Variants in SRRD observed in about 807,000 individuals in gnomAD.
SRRD encodes SRR1 domain containing.
Under a neutral mutation model 30.7 loss-of-function variants are expected in SRRD, and 28 were observed. The observed-to-expected ratio is 0.91, with a 90% CI of 0.68 to 1.25. The LOEUF is 1.25. Ranked by LOEUF, SRRD falls within the 50% of genes most tolerant of loss-of-function variation. SRRD has a pLI of 0.00. For synonymous variants in SRRD, 161 were observed against 159.6 expected (o/e 1.01, Z -0.07); for missense variants, 415 against 417.3 (o/e 0.99, Z 0.05).
intron 2 of SRRD, 99 bp downstream of exon 2, chr22:26,486,162 T>C (rs1188600195): frequency 2.8e-6 from 4 of 1,445,756 alleles, no homozygotes; most frequent in Non-Finnish European, 3.9e-6. Context: ...ACTTGCTGGG[T>C]TCTAACGCCG....
Position 26,494,375 on chromosome 22 carries a change from T to G in SRRD, c.*2703T>G. ...AGGCAAGATTTCTGAAGTGGCCATT[T>G]GTTTTGTTTTGATCCTGGTCCTACA... On this transcript the variant is annotated 3_prime_UTR_variant, in exon 7 of 7. Coordinates refer to ENST00000215917, the MANE Select transcript of SRRD (RefSeq NM_001013694.3). The G allele has an allele frequency of 1.3e-6, 2 of 1,581,418 alleles. No homozygotes were observed. Among genetic ancestry groups the G allele is most frequent in the Non-Finnish European group, 1.7e-6 (2 of 1,152,006 alleles).
rs747931352 is a variant in SRRD at position 26,487,835 on chromosome 22, T to C, written c.251-194T>C. On this transcript the variant is annotated intron_variant, in intron 2 of 6. Transcript: ENST00000215917. The stretch of plus-strand genomic sequence containing the variant: ...TCCAGGGGCCGGGACAGTTTGTCAA[T>C]TGGTGGTGAATGTGACTGTATGTCC... 1.2e-5 allele frequency: 7 copies of C among 589,728 alleles called. No homozygotes were observed. The Admixed American group carries it at 1.4e-4, about 12-fold the overall frequency. 36.5% of individuals were successfully genotyped at this position (589,728 alleles called of 1,614,324 possible).
Position 26,491,059 on chromosome 22 carries a change from T to C in SRRD, c.799T>C (p.Tyr267His), listed in dbSNP as rs1921107981. The change falls in exon 6 of 7, where the codon TAC becomes CAC. Residue 267 changes from tyrosine to histidine, a missense_variant. Tyr to His is a moderately conservative substitution (Grantham distance 83, BLOSUM62 2). Coordinates refer to ENST00000215917, the MANE Select transcript of SRRD (RefSeq NM_001013694.3). ...AAGGATTCTGCAGAAAAATTATCCCTACATTGCAAAGGTATCTATCTGAAT... is the reference window on the plus strand; with the variant it reads ...AAGGATTCTGCAGAAAAATTATCCCCACATTGCAAAGGTATCTATCTGAAT... Reference protein sequence around the residue: ...LARILQKNYPYIAKILKGLEE... With the variant: ...LARILQKNYPHIAKILKGLEE... The C allele has an allele frequency of 1.9e-6, 3 of 1,612,596 alleles. No individual in the cohort carries two copies. The highest frequency in any genetic ancestry group is 2.5e-6 in the Non-Finnish European group (3 of 1,179,552).
intron 4 of SRRD, among the ~76,000 whole-genome samples, chr22:26,489,676 G>A (rs1472896903): frequency 6.6e-6 from 1 of 152,138 alleles, no homozygotes; most frequent in African/African-American, 2.4e-5. Context: ...TCTGCAGGAA[G>A]TGACATAGGA....
chr22:26,490,968 C>T (rs1044244425), intron 5 of SRRD, 57 bp from the exon 6 acceptor site: 2 of 1,483,004 alleles, frequency 1.3e-6, no homozygotes, highest in Admixed American at 1.8e-5. Flanking sequence ...AAACTATCCT[C>T]ATACCTCCTA....
rs1468388814 is a variant in SRRD at position 26,483,882 on chromosome 22, CA to C, written c.-8del. 2 of 1,350,112 alleles carry C rather than the reference CA, an allele frequency of 1.5e-6. No homozygotes were observed. Among genetic ancestry groups the C allele is most frequent in the South Asian group, 1.9e-5 (1 of 53,684 alleles). 83.6% of individuals were successfully genotyped at this position (1,350,112 alleles called of 1,614,324 possible). ...CGAGTGCGCCGCACGCCGCTGACGT[CA>C]GAGACCAATGGCTGCGGCCGCAGCT... is the stretch of plus-strand genomic sequence containing the variant. On this transcript the variant is annotated 5_prime_UTR_variant, in exon 1 of 7. Transcript: ENST00000215917.
At chr22:26,491,291 A>G (rs1053907052) in intron 6 of SRRD, 172 bp from the exon 7 acceptor site, 15 of 721,772 alleles carry the variant, frequency 2.1e-5, no homozygotes, top group Non-Finnish European at 3.0e-5. Context: ...CATGATATCC[A>G]CTGTCCTTGG....
Position 26,494,623 on chromosome 22 carries a change from C to G in SRRD, c.*2951C>G. ...AAAGTGCTTGGAACAGCTTCTGATA[C>G]ATGGCAAATGTCCAATAAATGGTGC... On this transcript the variant is annotated 3_prime_UTR_variant, in exon 7 of 7. Transcript: ENST00000215917. 3 of 946,148 alleles carry G rather than the reference C, an allele frequency of 3.2e-6. No individual in the cohort carries two copies. In the South Asian group the frequency reaches 5.2e-5, roughly 16 times the overall value. 58.6% of individuals were successfully genotyped at this position (946,148 alleles called of 1,614,324 possible). A position where few individuals can be genotyped will look rare whatever the true frequency, so the allele number is the denominator to read the frequency against.
intron 2 of SRRD, among the ~76,000 whole-genome samples, chr22:26,486,936 T>C (rs9608492): frequency 0.04 from 5,991 of 148,060 alleles, 119 homozygotes; most frequent in Non-Finnish European, 0.061. Context: ...TTTTTTTTTC[T>C]TTTGAGACGG....
At chr22:26,486,423 A>G (rs2091709296) in intron 2 of SRRD, among the ~76,000 whole-genome samples, 1 of 152,168 alleles carries the variant, frequency 6.6e-6, no homozygotes, top group South Asian at 2.1e-4. Flanking sequence ...TCCTAAACAT[A>G]GTGTGTGGGT....
chr22:26,485,892 A>T (rs2091705225), intron 1 of SRRD, 131 bp from the exon 2 acceptor site: 2 of 998,036 alleles, frequency 2.0e-6, no homozygotes, highest in South Asian at 2.9e-5. Flanking sequence ...CCCTCCTATC[A>T]CTTGGTAAGG....
In SRRD at chr22:26,491,486, T is replaced by G. The variant is rs200246318; in HGVS notation, c.834T>G (p.Leu278=). The G allele has an allele frequency of 6.8e-6, 11 of 1,613,478 alleles. No individual in the cohort carries two copies. In the African/African-American group the frequency reaches 1.5e-4, roughly 22 times the overall value. ...IAKILKGLEE[L]EFPQTSQYMD... is the part of the protein sequence containing the mutation. Reference sequence around the variant, plus strand: ...AGATTTTAAAAGGACTGGAGGAGCTTGAGTTTCCTCAGACTTCACAATACA... The same window carrying G: ...AGATTTTAAAAGGACTGGAGGAGCTGGAGTTTCCTCAGACTTCACAATACA... The change falls in exon 7 of 7, where the codon CTT becomes CTG. Residue 278 remains leucine, a synonymous_variant. Coordinates refer to ENST00000215917, the MANE Select transcript of SRRD (RefSeq NM_001013694.3).
rs2147114373 is a variant in SRRD at position 26,491,995 on chromosome 22, T to C, written c.*323T>C. On this transcript the variant is annotated 3_prime_UTR_variant, in exon 7 of 7. Transcript: ENST00000215917. ...CTCTTAGGGGCAAGTCTCTGACTGG[T>C]TCTGGACCTGCCACAGTTCACTTGG... 1.9e-6 allele frequency: 3 copies of C among 1,571,888 alleles called. No individual in the cohort carries two copies. Among genetic ancestry groups the C allele is most frequent in the South Asian group, 1.2e-5 (1 of 86,040 alleles).
chr22:26,491,131 C>G (rs1921119587), intron 6 of SRRD, 61 bp downstream of exon 6: 3 of 1,540,282 alleles, frequency 1.9e-6, no homozygotes, highest in Non-Finnish European at 2.7e-6. Context: ...AGAATTCTAT[C>G]TTTCTTTACA....
Position 26,494,486 on chromosome 22 carries a change from T to C in SRRD, c.*2814T>C, listed in dbSNP as rs901380590. ...TGGATTTTGGAGTCAGCCTGGTAGC[T>C]AAAGTGCCCTTGCATGTAAACTCTC... On this transcript the variant is annotated 3_prime_UTR_variant, in exon 7 of 7. Transcript: ENST00000215917. 1 of 775,608 alleles carries C rather than the reference T, an allele frequency of 1.3e-6. No homozygotes were observed. The highest frequency in any genetic ancestry group is 2.1e-6 in the Non-Finnish European group (1 of 485,920). The allele number at this position is 775,608 out of a possible 1,614,324, so 48.0% of individuals were successfully genotyped here.
Position 26,490,029 on chromosome 22 carries a change from A to G in SRRD, c.610-15A>G. ...GTTGTGGGCATGTTTACACCTGTGA[A>G]TATCGTATCCCCAGGAAGGGAAACG... On this transcript the variant is annotated splice_polypyrimidine_tract_variant and intron_variant, in intron 4 of 6. Coordinates refer to ENST00000215917, the MANE Select transcript of SRRD (RefSeq NM_001013694.3). 10 of 1,613,836 alleles carry G rather than the reference A, an allele frequency of 6.2e-6. No homozygotes were observed. The highest frequency in any genetic ancestry group is 8.5e-6 in the Non-Finnish European group (10 of 1,179,818).
chr22:26,489,707 G>A (rs901478089), intron 4 of SRRD, among the ~76,000 whole-genome samples: 2 of 152,116 alleles, frequency 1.3e-5, no homozygotes, highest in African/African-American at 4.8e-5. Context: ...ACTGAACACA[G>A]GGGAAATACA....
intron 2 of SRRD, among the ~76,000 whole-genome samples, chr22:26,486,327 CATT>C (rs1356865748): frequency 2.0e-5 from 3 of 152,102 alleles, no homozygotes; most frequent in Admixed American, 6.5e-5. Flanking sequence ...TAAATGTTGT[CATT>C]ATTATTGCTG....
chr22:26,491,636 C>G lies in SRRD; in HGVS notation c.984C>G (p.Ile328Met), dbSNP rs765290140. The change falls in exon 7 of 7, where the codon ATC becomes ATG. Residue 328 changes from isoleucine (I) to methionine (M), a missense_variant. Transcript: ENST00000215917. Reference protein sequence around the residue: ...DYQDCEDLEIIRNKREDPSAT... With the variant: ...DYQDCEDLEIMRNKREDPSAT... The stretch of plus-strand genomic sequence containing the variant: ...AGGACTGTGAGGACCTTGAAATCAT[C>G]AGGAACAAGAGAGAAGATCCTTCTG... 6.2e-7 allele frequency: 1 copy of G among 1,613,416 alleles called. No homozygotes were observed. Among genetic ancestry groups the G allele is most frequent in the East Asian group, 2.2e-5 (1 of 44,884 alleles).
Sources: allele counts gnomAD v4.1 joint callset (sites outside exome capture counted in the v4.1 genomes callset), GRCh38; gene constraint gnomAD v4.1.1; transcripts MANE v1.5; gene names NCBI Gene and HGNC (gene_info 2026-07-23, HGNC 2026-07-21).